Variants in RAD52 observed in about 807,000 individuals in gnomAD.
RAD52 encodes the protein DNA repair protein RAD52 homolog.
Under a neutral mutation model 55.5 loss-of-function variants are expected in RAD52, and 47 were observed. The observed-to-expected ratio is 0.85, with a 90% CI of 0.67 to 1.08. The LOEUF (loss-of-function observed/expected upper bound fraction) is 1.08, where lower values mean the gene tolerates loss of function less well. Ranked by LOEUF, RAD52 falls within the 50% of genes least tolerant of loss-of-function variation. RAD52 has a pLI of 0.00. For missense variants in RAD52, 468 were observed against 522.8 expected (o/e 0.90, Z 1.02); for synonymous variants, 184 against 198.9 (o/e 0.92, Z 0.63).
Position 927,282 on chromosome 12 carries a change from T to A in RAD52, c.349-19A>T, listed in dbSNP as rs117514710. 2.5e-6 allele frequency: 4 copies of A among 1,577,872 alleles called. No homozygotes were observed. Among genetic ancestry groups the A allele is most frequent in the Non-Finnish European group, 1.7e-6 (2 of 1,147,618 alleles). On this transcript the variant is annotated intron_variant, in intron 5 of 11. Coordinates refer to ENST00000358495, the MANE Select transcript of RAD52 (RefSeq NM_134424.4). Reference sequence around the variant, plus strand: ...AACCATCCTGGGGGCAGAAAAGGAGTTTGAACTCAAACACGAGAGCGGCAG... The same window carrying A: ...AACCATCCTGGGGGCAGAAAAGGAGATTGAACTCAAACACGAGAGCGGCAG...
intron 1 of RAD52, among the ~76,000 whole-genome samples, chr12:941,896 C>T (rs1439228767): frequency 6.6e-6 from 1 of 152,126 alleles, no homozygotes; most frequent in Non-Finnish European, 1.5e-5. Flanking sequence ...TGCAGACTCC[C>T]AAAGTGCTGG....
At chr12:984,945 G>A (rs144401483) in intron 1 of RAD52, among the ~76,000 whole-genome samples, 5,741 of 152,088 alleles carry the variant, frequency 0.038, 131 homozygotes, top group Middle Eastern at 0.075. Context: ...GATTATAGGC[G>A]TGAGCCACCG....
rs181638555 is a variant in RAD52, at chr12:940,905, C to T, written c.-18-7829G>A. Among the ~76,000 whole-genome samples, 139 of 151,892 alleles carry T rather than the reference C, an allele frequency of 9.2e-4. 1 individual carries two copies. Among genetic ancestry groups the T allele is most frequent in the African/African-American group, 3.2e-3 (134 of 41,472 alleles). On this transcript the variant is annotated intron_variant, in intron 1 of 11. Coordinates refer to ENST00000358495, the MANE Select transcript of RAD52 (RefSeq NM_134424.4). The stretch of plus-strand genomic sequence containing the variant: ...TGAAAGAACCTCAGGATCCTGTGGG[C>T]TAATATCAAAATGTCTAACTCACAT...
chr12:932,930 C>T (rs747734292), intron 2 of RAD52, 45 bp downstream of exon 2: 2 of 1,585,096 alleles, frequency 1.3e-6, no homozygotes, highest in Admixed American at 1.7e-5. Flanking sequence ...CCTAACTTTA[C>T]TCACTTCACC....
chr12:957,760 A>AG (rs1958628677), intron 1 of RAD52, among the ~76,000 whole-genome samples: 1 of 152,226 alleles, frequency 6.6e-6, no homozygotes, highest in African/African-American at 2.4e-5. Context: ...ACTGCACTCC[A>AG]GCCTGGGCAA....
At chr12:962,543 T>G (rs1958702097) in intron 1 of RAD52, among the ~76,000 whole-genome samples, 1 of 151,416 alleles carries the variant, frequency 6.6e-6, no homozygotes, top group Non-Finnish European at 1.5e-5. Flanking sequence ...GAGATAGGGT[T>G]TCATCTTGTT....
intron 1 of RAD52, among the ~76,000 whole-genome samples, chr12:970,926 GAGAC>G (rs753133652): frequency 8.9e-5 from 13 of 146,428 alleles, no homozygotes; most frequent in Non-Finnish European, 2.0e-4. Context: ...TAGAGAGAGA[GAGAC>G]AGGAAATAAA....
chr12:938,163 A>C (rs1957733761), intron 1 of RAD52, among the ~76,000 whole-genome samples: 1 of 152,200 alleles, frequency 6.6e-6, no homozygotes, highest in South Asian at 2.1e-4. Context: ...TACCACCTTA[A>C]TTATTAAGGA....
intron 1 of RAD52, among the ~76,000 whole-genome samples, chr12:939,401 C>G (rs1957807222): frequency 6.6e-6 from 1 of 152,054 alleles, no homozygotes; most frequent in Non-Finnish European, 1.5e-5. Context: ...TCTTCCTGCC[C>G]AGCCTCCCAA....
chr12:916,640 G>C lies in RAD52; in HGVS notation c.724C>G (p.Arg242Gly), dbSNP rs746553449. The change falls in exon 8 of 12, where the codon CGA becomes GGA. Residue 242 changes from arginine (R) to glycine (G), a missense_variant and splice_region_variant. Physicochemically the swap from Arg to Gly is moderately radical, Grantham distance 125. Transcript: ENST00000358495. ...AAGGAGGGGACTTAGGCCGCATACC[G>C]GGAGCTGCAGTCCTGGTCCGCCGGT... ...VIPADQDCSS[R>G]SLSSSAVESE... 3 of 1,612,460 alleles carry C rather than the reference G, an allele frequency of 1.9e-6. No individual in the cohort carries two copies. In the East Asian group the frequency reaches 6.7e-5, roughly 36 times the overall value.
intron 1 of RAD52, among the ~76,000 whole-genome samples, chr12:937,435 T>C (rs1957696900): frequency 6.6e-6 from 1 of 151,890 alleles, no homozygotes; most frequent in African/African-American, 2.4e-5. Flanking sequence ...AGCTTTTTTT[T>C]TTTTCTGAGA....
upstream of RAD52, chr12:990,934 C>CGTGTGTGTGTGTGTGTGAGT (rs886511991): frequency 1.0e-5 from 1 of 99,310 alleles, no homozygotes; most frequent in African/African-American, 3.0e-5. Flanking sequence ...CCGCAGGGGT[C>CGTGTGTGTGTGTGTGTGAGT]GTGTGTGTGT....
intron 7 of RAD52, among the ~76,000 whole-genome samples, chr12:921,037 TAAAGTC>T (rs1464606499): frequency 6.6e-6 from 1 of 152,068 alleles, no homozygotes; most frequent in Non-Finnish European, 1.5e-5. Flanking sequence ...ACCACACTCT[TAAAGTC>T]AAAGGAAATG....
intron 1 of RAD52, among the ~76,000 whole-genome samples, chr12:957,583 C>T (rs1349149535): frequency 6.6e-6 from 1 of 151,008 alleles, no homozygotes; most frequent in Non-Finnish European, 1.5e-5. Context: ...TCCAGGAGTT[C>T]GAGATCATCC....
At chr12:953,012 A>G (rs1469884196), upstream of RAD52, among the ~76,000 whole-genome samples, 9 of 1,778 alleles carry the variant, frequency 5.1e-3, no homozygotes, top group Non-Finnish European at 7.3e-3. Flanking sequence ...GGGGAGGGGG[A>G]GGGAGGGAAG....
chr12:956,200 T>C (rs1292669327), intron 1 of RAD52, among the ~76,000 whole-genome samples: 1 of 152,202 alleles, frequency 6.6e-6, no homozygotes, highest in Non-Finnish European at 1.5e-5. Flanking sequence ...ACGACAGCCA[T>C]CTTCCAACGC....
Position 947,133 on chromosome 12 carries a change from C to A in RAD52, c.-19+2469G>T, listed in dbSNP as rs546003451. 2.0e-5 allele frequency among the ~76,000 whole-genome samples: 3 copies of A among 152,128 alleles called. No homozygotes were observed. In the South Asian group the frequency reaches 6.2e-4, roughly 32 times the overall value. On this transcript the variant is annotated intron_variant, in intron 1 of 11. Coordinates refer to ENST00000358495, the MANE Select transcript of RAD52 (RefSeq NM_134424.4). ...CCTGAGGTAGGGAGTTCGAGACCAGCGTAACCAACATGGAGAAACCCCTTC... is the reference window on the plus strand; with the variant it reads ...CCTGAGGTAGGGAGTTCGAGACCAGAGTAACCAACATGGAGAAACCCCTTC...
intron 1 of RAD52, among the ~76,000 whole-genome samples, chr12:978,890 G>GTAGATAGA (rs55957803): frequency 0.17 from 24,845 of 149,382 alleles, 2,267 homozygotes; most frequent in East Asian, 0.35. Context: ...TAGATGATAG[G>GTAGATAGA]TAGATAGATA....
At chr12:986,690 T>C (rs1343228531) in intron 1 of RAD52, among the ~76,000 whole-genome samples, 1 of 151,996 alleles carries the variant, frequency 6.6e-6, no homozygotes, top group Non-Finnish European at 1.5e-5. Flanking sequence ...AAGACTATGC[T>C]TCATTAATAG....
Sources: allele counts gnomAD v4.1 joint callset (sites outside exome capture counted in the v4.1 genomes callset), GRCh38; gene constraint gnomAD v4.1.1; transcripts MANE v1.5; gene names NCBI Gene and HGNC (gene_info 2026-07-23, HGNC 2026-07-21).